Variants in ZNF350 observed in about 807,000 individuals in gnomAD.
The protein encoded by ZNF350 is KRAB zinc finger protein ZFQR.
ZNF350 carries 5 observed loss-of-function variants against 13.1 expected under a neutral mutation model. The ratio of observed to expected loss-of-function variants is 0.38; its 90% CI spans 0.20 to 0.80. ZNF350 has a LOEUF of 0.80. Ranked by LOEUF, ZNF350 falls within the 30% of genes least tolerant of loss-of-function variation. The pLI is 0.43. For missense variants in ZNF350, 534 were observed against 644.2 expected, an observed-to-expected ratio of 0.83 and a Z score of 1.85; for synonymous variants, 199 against 224.2, an observed-to-expected ratio of 0.89 and a Z score of 1.00.
intron 1 of ZNF350, among the ~76,000 whole-genome samples, chr19:51,977,659 T>G (rs545039196): frequency 6.6e-6 from 1 of 152,228 alleles, no homozygotes; most frequent in Non-Finnish European, 1.5e-5. Context: ...GCACAATTTC[T>G]TGCAAGATTA....
At chr19:51,980,181 G>A (rs2085998608) in intron 1 of ZNF350, among the ~76,000 whole-genome samples, 1 of 152,182 alleles carries the variant, frequency 6.6e-6, no homozygotes, top group African/African-American at 2.4e-5. Context: ...AATCTTGCCA[G>A]TTATATCACA....
chr19:51,965,345 C>T lies in ZNF350; in HGVS notation c.1108G>A (p.Gly370Arg), dbSNP rs780033650. The T allele has an allele frequency of 8.7e-6, 14 of 1,614,006 alleles. No homozygotes were observed. Among genetic ancestry groups the T allele is most frequent in the Non-Finnish European group, 1.2e-5 (14 of 1,179,948 alleles). The change falls in exon 5 of 5, where the codon GGA becomes AGA. Residue 370 changes from glycine to arginine, a missense_variant. Gly to Arg is a moderately radical substitution (Grantham distance 125). Transcript: ENST00000243644. ...TCACTACATTCAAAGGGTTTCTCTC[C>T]TGTGTGAATTCTTTGATGTTTAATG... ...GLIKHQRIHT[G>R]EKPFECSECG...
intron 2 of ZNF350, chr19:51,972,966 T>G (rs892309650): frequency 4.0e-5 from 6 of 149,784 alleles, no homozygotes; most frequent in Non-Finnish European, 8.8e-5. Context: ...TTTTTTTTTT[T>G]GAGATGGAGT....
intron 1 of ZNF350, among the ~76,000 whole-genome samples, chr19:51,977,542 T>C (rs1019313161): frequency 6.6e-6 from 1 of 152,192 alleles, no homozygotes; most frequent in Non-Finnish European, 1.5e-5. Context: ...AGATGCTGCT[T>C]ATCAGCAGTG....
At position 51,974,590 on chromosome 19, in the gene ZNF350, G is replaced by A. The variant is rs923424864; in HGVS notation, c.-171-59C>T. 8.1e-5 allele frequency: 42 copies of A among 520,856 alleles called. No homozygotes were observed. The South Asian group carries it at 1.0e-3, about 13-fold the overall frequency. 32.3% of individuals were successfully genotyped at this position (520,856 alleles called of 1,614,324 possible). On this transcript the variant is annotated intron_variant, in intron 1 of 4. Transcript: ENST00000243644. ...TACATTTTTTCCAGGCCCAGATACT[G>A]TCACTGCTGCTAGGCACTCATCTTA...
intron 4 of ZNF350, among the ~76,000 whole-genome samples, chr19:51,967,990 A>T (rs2122878391): frequency 6.6e-6 from 1 of 152,284 alleles, no homozygotes; most frequent in Non-Finnish European, 1.5e-5. Context: ...GAGCGGAAGG[A>T]GTTTAAACTT....
rs2085888602 is a variant in ZNF350 at position 51,976,104 on chromosome 19, ATCTAC to A, written c.-171-1578_-171-1574del. Among the ~76,000 whole-genome samples the A allele has an allele frequency of 6.8e-6, 1 of 147,498 alleles. No individual in the cohort carries two copies. The highest frequency in any genetic ancestry group is 1.5e-5 in the Non-Finnish European group (1 of 66,256). ...ACTACTCTGGACCCCTGGCGCCGTTATCTACTGCGACATCTAGAGAATGCAGTCTT... is the reference window on the plus strand; with the variant it reads ...ACTACTCTGGACCCCTGGCGCCGTTATGCGACATCTAGAGAATGCAGTCTT... On this transcript the variant is annotated intron_variant, in intron 1 of 4. Coordinates refer to ENST00000243644, the MANE Select transcript of ZNF350 (RefSeq NM_021632.4). This position sits in a 1 kb window ranked among gnomAD's most constrained non-coding sequence, Gnocchi z 4.5.
In ZNF350 at chr19:51,964,436, A is replaced by G. The variant is rs1310546675; in HGVS notation, c.*418T>C. The G allele has an allele frequency of 4.7e-5, 8 of 170,018 alleles. No individual in the cohort carries two copies. The highest frequency in any genetic ancestry group is 1.9e-4 in the South Asian group (1 of 5,388). The allele number at this position is 170,018 out of a possible 1,614,324, so 10.5% of individuals were successfully genotyped here. On this transcript the variant is annotated 3_prime_UTR_variant, in exon 5 of 5. Coordinates refer to ENST00000243644, the MANE Select transcript of ZNF350 (RefSeq NM_021632.4). ...TGAAAGTTTATGGTCCTGGTTTTCA[A>G]TTAATCCTCCACACTGGCACTGGTC...
At position 51,964,710 on chromosome 19, in the gene ZNF350, G is replaced by A; in HGVS notation, c.*144C>T. On this transcript the variant is annotated 3_prime_UTR_variant, in exon 5 of 5. Transcript: ENST00000243644. ...GCTTAGGTTAACATCAAATTTGCCT[G>A]TGTATCACAGCATACATTTTAATAG... The A allele has an allele frequency of 5.2e-6, 5 of 956,388 alleles. No homozygotes were observed. Among genetic ancestry groups the A allele is most frequent in the Non-Finnish European group, 7.6e-6 (5 of 660,040 alleles). The allele number at this position is 956,388 out of a possible 1,614,324, so 59.2% of individuals were successfully genotyped here.
chr19:51,983,831 C>T (rs1193759333), intron 1 of ZNF350, among the ~76,000 whole-genome samples: 4 of 152,104 alleles, frequency 2.6e-5, no homozygotes, highest in Non-Finnish European at 5.9e-5. Context: ...AACACCAGTC[C>T]CCTGGGCCCA....
intron 2 of ZNF350, chr19:51,972,855 ATTG>A (rs2085780135): frequency 6.6e-6 from 1 of 151,556 alleles, no homozygotes; most frequent in East Asian, 1.9e-4. Flanking sequence ...GTCTCACTAG[ATTG>A]CCCAGGCTAG....
Position 51,966,192 on chromosome 19 carries a change from C to T in ZNF350, c.261G>A (p.Val87=). 6.3e-7 allele frequency: 1 copy of T among 1,584,796 alleles called. No homozygotes were observed. Among genetic ancestry groups the T allele is most frequent in the South Asian group, 1.2e-5 (1 of 85,678 alleles). ...GGCTTTCACTCTGCAAGCGCTCCAG[C>T]ACATGATCAACTTTCCATATGTCTA... ...ACSDIWKVDH[V]LERLQSESLV... The change falls in exon 5 of 5, where the codon GTG becomes GTA. Residue 87 remains valine (V), a synonymous_variant. Coordinates refer to ENST00000243644, the MANE Select transcript of ZNF350 (RefSeq NM_021632.4).
chr19:51,977,748 A>G (rs1158744880), intron 1 of ZNF350, among the ~76,000 whole-genome samples: 1 of 152,256 alleles, frequency 6.6e-6, no homozygotes, highest in Non-Finnish European at 1.5e-5. Context: ...TGAGAATGCA[A>G]ACGTGTACTG....
Position 51,974,356 on chromosome 19 carries a change from A to G in ZNF350, c.5T>C (p.Ile2Thr). The G allele has an allele frequency of 6.2e-7, 1 of 1,613,898 alleles. No individual in the cohort carries two copies. Among genetic ancestry groups the G allele is most frequent in the African/African-American group, 1.3e-5 (1 of 75,054 alleles). ...CCAAAAGTCAGTTACCTGGGCCTGG[A>G]TCATTTTCTTCTGTTCTTGGAAGAC... M[I>T]QAQESITLED... The change falls in exon 2 of 5, where the codon ATC becomes ACC. Residue 2 changes from isoleucine to threonine, a missense_variant. By Grantham distance (89) the Ile-to-Thr change is moderately conservative. Transcript: ENST00000243644.
chr19:51,979,731 A>G (rs970502491), intron 1 of ZNF350, among the ~76,000 whole-genome samples: 3 of 152,210 alleles, frequency 2.0e-5, no homozygotes, highest in African/African-American at 7.2e-5. Context: ...AATATATGTC[A>G]ACTGAAGACA....
chr19:51,986,077 CGGCCACGAGG>C (rs2086152658), intron 1 of ZNF350, among the ~76,000 whole-genome samples: 2 of 152,206 alleles, frequency 1.3e-5, no homozygotes, highest in South Asian at 4.2e-4. Flanking sequence ...TCGATTTTGC[CGGCCACGAGG>C]TCTCTGTCAC....
At position 51,968,393 on chromosome 19, in the gene ZNF350, A is replaced by G. The variant is rs1012896309; in HGVS notation, c.238+185T>C. On this transcript the variant is annotated intron_variant, in intron 4 of 4. Transcript: ENST00000243644. ...TAATCAGATCTCTGAGGAGATAAAGAGTTTTTGTTTTGTTTTGTTTTTTTT... is the reference window on the plus strand; with the variant it reads ...TAATCAGATCTCTGAGGAGATAAAGGGTTTTTGTTTTGTTTTGTTTTTTTT... 8.3e-5 allele frequency: 51 copies of G among 614,704 alleles called. No individual in the cohort carries two copies. The South Asian group carries it at 9.8e-4, about 12-fold the overall frequency. The allele number at this position is 614,704 out of a possible 1,614,324, so 38.1% of individuals were successfully genotyped here.
At chr19:51,983,070 T>C (rs1275425822) in intron 1 of ZNF350, among the ~76,000 whole-genome samples, 1 of 152,252 alleles carries the variant, frequency 6.6e-6, no homozygotes. Context: ...CTTGAGATAC[T>C]GTTAATCTGT....
intron 1 of ZNF350, among the ~76,000 whole-genome samples, chr19:51,979,169 G>A (rs1446750005): frequency 6.6e-6 from 1 of 152,166 alleles, no homozygotes; most frequent in Non-Finnish European, 1.5e-5. Flanking sequence ...GACAACTCAA[G>A]AAAACCACAC....
Sources: gnomAD v4.1 joint callset for allele counts (sites outside exome capture counted in the v4.1 genomes callset) on GRCh38, gnomAD v4.1.1 for gene constraint, Gnocchi (gnomAD v3.1) non-coding constraint, MANE v1.5 for transcripts, NCBI Gene and HGNC (gene_info 2026-07-23, HGNC 2026-07-21) for gene names.